The following TIAM1 variants were observed in gnomAD, a reference collection of about 807,000 sequenced individuals.
TIAM1 encodes TIAM Rac1 associated GEF 1.
In TIAM1, 65 loss-of-function variants were observed where a neutral mutation model predicts 163.5. That is an observed-to-expected ratio of 0.40 (90% CI 0.33 to 0.49). The LOEUF is 0.49. Among genes scored for constraint, TIAM1 ranks in the 20% least tolerant of loss-of-function variants. The pLI is 0.77. For synonymous variants in TIAM1, 833 were observed against 810.1 expected (o/e 1.03, Z -0.48); for missense variants, 1,789 against 2,044.7 (o/e 0.87, Z 2.41).
chr21:31,279,185 A>C (rs933523903), intron 2 of TIAM1, among the ~76,000 whole-genome samples: 5 of 152,228 alleles, frequency 3.3e-5, no homozygotes, highest in African/African-American at 9.6e-5. Context: ...TATTTGAAAA[A>C]CACGAAGGAA....
intron 1 of TIAM1, among the ~76,000 whole-genome samples, chr21:31,539,247 G>C (rs1197792356): frequency 6.7e-6 from 1 of 148,910 alleles, no homozygotes; most frequent in Non-Finnish European, 1.5e-5. Context: ...TAAATGACAG[G>C]GGAAGAGAGG....
chr21:31,266,234 C>A lies in TIAM1; in HGVS notation c.739G>T (p.Gly247Trp), dbSNP rs2070418. The A allele has an allele frequency of 6.2e-7, 1 of 1,614,042 alleles. No individual in the cohort carries two copies. The highest frequency in any genetic ancestry group is 8.5e-7 in the Non-Finnish European group (1 of 1,180,002). Reference sequence around the variant, plus strand: ...CCTGCAAATTTGCTCCCCGGCCCCCCGTTTGCTGTCACTCCAGAGTTTTTC... The same window carrying A: ...CCTGCAAATTTGCTCCCCGGCCCCCAGTTTGCTGTCACTCCAGAGTTTTTC... ...AQKNSGVTANGGPGSKFAGYC... is the reference protein window; with the variant it reads ...AQKNSGVTANWGPGSKFAGYC... The change falls in exon 4 of 28, where the codon GGG becomes TGG. Residue 247 changes from glycine (G) to tryptophan (W), a missense_variant. By Grantham distance (184) the Gly-to-Trp change is radical. Coordinates refer to ENST00000541036, the MANE Select transcript of TIAM1 (RefSeq NM_001353694.2).
At chr21:31,254,729 T>A (rs2071998618) in intron 4 of TIAM1, among the ~76,000 whole-genome samples, 1 of 151,982 alleles carries the variant, frequency 6.6e-6, no homozygotes, top group Admixed American at 6.6e-5. Context: ...AACAAATCAA[T>A]CCCATGCCTT....
In TIAM1 at chr21:31,266,644, G is replaced by A. The variant is rs1270362950; in HGVS notation, c.329C>T (p.Pro110Leu). The A allele has an allele frequency of 6.2e-7, 1 of 1,614,054 alleles. No homozygotes were observed. Among genetic ancestry groups the A allele is most frequent in the East Asian group, 2.2e-5 (1 of 44,882 alleles). ...PVSYTDSSVT[P>L]SVDSSIVLTA... is the part of the protein sequence containing the mutation. ...GAGGACGATGCTGCTGTCTACGCTGGGAGTGACAGAAGAGTCAGTGTAAGA... is the reference window on the plus strand; with the variant it reads ...GAGGACGATGCTGCTGTCTACGCTGAGAGTGACAGAAGAGTCAGTGTAAGA... The change falls in exon 4 of 28, where the codon CCC becomes CTC. Residue 110 changes from proline (P) to leucine (L), a missense_variant. This residue lies in a region of TIAM1 where 555 missense variants were observed against 564.9 expected (regional missense o/e 0.98). Transcript: ENST00000541036.
intron 15 of TIAM1, 40 bp from the exon 16 acceptor site, chr21:31,165,105 A>G (rs754235412): frequency 6.2e-7 from 1 of 1,601,032 alleles, no homozygotes; most frequent in East Asian, 2.2e-5. Flanking sequence ...GTCAACATGG[A>G]CAGTAATTGC....
intron 2 of TIAM1, among the ~76,000 whole-genome samples, chr21:31,312,384 G>A (rs1475180779): frequency 6.6e-6 from 1 of 152,112 alleles, no homozygotes; most frequent in Non-Finnish European, 1.5e-5. Flanking sequence ...GTCTTGGAAG[G>A]GAAACAATAT....
At chr21:31,184,160 C>T (rs1215914752) in intron 14 of TIAM1, among the ~76,000 whole-genome samples, 1 of 151,860 alleles carries the variant, frequency 6.6e-6, no homozygotes, top group Non-Finnish European at 1.5e-5. Flanking sequence ...GGCTTGAGTT[C>T]AATGGCGCGA....
chr21:31,393,415 G>A (rs1209559999), intron 2 of TIAM1, among the ~76,000 whole-genome samples: 2 of 152,160 alleles, frequency 1.3e-5, no homozygotes, highest in Non-Finnish European at 2.9e-5. Flanking sequence ...ACTATTCCAT[G>A]AGCTCAACAC....
intron 2 of TIAM1, among the ~76,000 whole-genome samples, chr21:31,453,828 C>T (rs1053444060): frequency 6.6e-6 from 1 of 151,692 alleles, no homozygotes; most frequent in Admixed American, 6.6e-5. Context: ...AATAATTGTG[C>T]TACAAAGACC....
intron 6 of TIAM1, among the ~76,000 whole-genome samples, chr21:31,228,249 AAAAAAAAAAAG>A (rs1569069053): frequency 2.9e-5 from 4 of 138,310 alleles, no homozygotes; most frequent in Non-Finnish European, 6.0e-5. Flanking sequence ...AAAAAAAAAA[AAAAAAAAAAAG>A]GAAGGAAAAA....
intron 26 of TIAM1, among the ~76,000 whole-genome samples, chr21:31,124,901 TCCTGGCG>T (rs941743250): frequency 4.8e-4 from 73 of 152,216 alleles, no homozygotes; most frequent in Non-Finnish European, 1.3e-4. Context: ...GTGATCTATC[TCCTGGCG>T]CTGATGTGGG....
chr21:31,396,881 G>A lies in TIAM1; in HGVS notation c.-368-57459C>T, dbSNP rs115339275. On this transcript the variant is annotated intron_variant, in intron 2 of 28. Coordinates refer to the TIAM1 transcript ENST00000286827. ...CAGGAGAATCACTTGAACCTGGGGT[G>A]GAGGTTGCAGTGAACCGAGATCGCG... Among the ~76,000 whole-genome samples the A allele has an allele frequency of 5.3e-3, 810 of 152,114 alleles. 2 individuals are homozygous for A. Among genetic ancestry groups the A allele is most frequent in the African/African-American group, 0.017 (692 of 41,506 alleles).
intron 1 of TIAM1, among the ~76,000 whole-genome samples, chr21:31,502,981 G>A (rs1024426606): frequency 1.3e-5 from 2 of 152,194 alleles, no homozygotes; most frequent in Admixed American, 6.5e-5. Context: ...AAGGATGGGC[G>A]CAGTGGCTCA....
chr21:31,264,232 A>T (rs1601752377), intron 4 of TIAM1, among the ~76,000 whole-genome samples: 1 of 152,148 alleles, frequency 6.6e-6, no homozygotes, highest in East Asian at 1.9e-4. Flanking sequence ...CACCCAAACA[A>T]TGAACACAGT....
chr21:31,346,688 CCA>C (rs2147109025), upstream of TIAM1, among the ~76,000 whole-genome samples: 1 of 152,288 alleles, frequency 6.6e-6, no homozygotes, highest in Admixed American at 6.5e-5. Flanking sequence ...TGGAACTACT[CCA>C]CACACAACAG....
intron 8 of TIAM1, among the ~76,000 whole-genome samples, chr21:31,219,045 TTTTTTTG>T: frequency 7.1e-6 from 1 of 140,706 alleles, no homozygotes. Context: ...TTTTTTTTTT[TTTTTTTG>T]ACGGAGTCTC....
chr21:31,315,015 A>C (rs993321930), intron 2 of TIAM1, among the ~76,000 whole-genome samples: 2 of 152,130 alleles, frequency 1.3e-5, no homozygotes, highest in African/African-American at 4.8e-5. Flanking sequence ...AACTACTTTA[A>C]TTTTTTGGTG....
intron 26 of TIAM1, among the ~76,000 whole-genome samples, chr21:31,126,660 CATCT>C: frequency 6.6e-6 from 1 of 152,138 alleles, no homozygotes; most frequent in South Asian, 2.1e-4. Flanking sequence ...CTGTTGGAGT[CATCT>C]ATCTTGTATT....
At chr21:31,288,991 T>C (rs369121405) in intron 2 of TIAM1, among the ~76,000 whole-genome samples, 8 of 152,228 alleles carry the variant, frequency 5.3e-5, no homozygotes, top group Admixed American at 4.6e-4. Context: ...CTCACTCTTA[T>C]TATTTAAATA....
Sources: gnomAD v4.1 joint callset for allele counts (sites outside exome capture counted in the v4.1 genomes callset) on GRCh38, gnomAD v4.1.1 for gene constraint, gnomAD v4.1.1 regional missense constraint, MANE v1.5 for transcripts, NCBI Gene and HGNC (gene_info 2026-07-23, HGNC 2026-07-21) for gene names.